The following TENM3 variants were observed in gnomAD, a reference collection of about 807,000 sequenced individuals.
TENM3 encodes teneurin transmembrane protein 3, also known as teneurin-3.
TENM3 carries 63 observed loss-of-function variants against 255.1 expected under a neutral mutation model. The observed-to-expected ratio is 0.25, with a 90% CI of 0.20 to 0.30. The LOEUF (loss-of-function observed/expected upper bound fraction) is 0.30, where lower values mean the gene tolerates loss of function less well. TENM3 is among the 10% of genes least tolerant of loss of function. The pLI, the probability that TENM3 is intolerant of heterozygous loss-of-function variation, is 1.00. For synonymous variants in TENM3, 1,306 were observed against 1,322.3 expected, an observed-to-expected ratio of 0.99 and a Z score of 0.27; for missense variants, 2,929 against 3,461.1, an observed-to-expected ratio of 0.85 and a Z score of 3.86.
At chr4:181,701,346 A>T in the TENM3 span, among the ~76,000 whole-genome samples, 13 of 152,232 alleles carry the variant, frequency 8.5e-5, no homozygotes, top group African/African-American at 3.1e-4. Flanking sequence ...ATAGGCAAAC[A>T]GATAAAAACA....
intron 1 of TENM3, among the ~76,000 whole-genome samples, chr4:182,267,783 C>T (rs1447634582): frequency 1.3e-5 from 2 of 151,242 alleles, no homozygotes; most frequent in African/African-American, 4.9e-5. Context: ...GTAATCATCC[C>T]AAGTATAATA....
intron 3 of TENM3, among the ~76,000 whole-genome samples, chr4:182,487,323 T>C (rs1006895137): frequency 6.6e-6 from 1 of 152,220 alleles, no homozygotes; most frequent in African/African-American, 2.4e-5. Context: ...TGTGTACTTG[T>C]CTCTTTATCG....
chr4:181,908,362 G>A, the TENM3 span, among the ~76,000 whole-genome samples: 1 of 152,190 alleles, frequency 6.6e-6, no homozygotes, highest in East Asian at 1.9e-4. Context: ...GGTGTTAAGG[G>A]ACATATTTCT....
intron 1 of TENM3, among the ~76,000 whole-genome samples, chr4:182,313,253 G>A (rs1299230577): frequency 6.6e-6 from 1 of 151,630 alleles, no homozygotes; most frequent in Non-Finnish European, 1.5e-5. Context: ...AAATCTTTCA[G>A]TATTCACAGT....
chr4:182,690,343 G>T (rs1347348905), intron 12 of TENM3, among the ~76,000 whole-genome samples: 3 of 152,178 alleles, frequency 2.0e-5, no homozygotes, highest in Non-Finnish European at 4.4e-5. Context: ...CTACATTAAG[G>T]CAGAAGAAAG....
chr4:181,583,578 A>G, the TENM3 span, among the ~76,000 whole-genome samples: 1 of 152,188 alleles, frequency 6.6e-6, no homozygotes, highest in African/African-American at 2.4e-5. Flanking sequence ...GCCACCTCCT[A>G]GTCACTGTGA....
intron 4 of TENM3, among the ~76,000 whole-genome samples, chr4:182,602,976 A>T (rs888313064): frequency 2.8e-4 from 43 of 152,246 alleles, no homozygotes; most frequent in African/African-American, 9.9e-4. Flanking sequence ...GTGATGTTAT[A>T]AAACACAAAA....
intron 22 of TENM3, among the ~76,000 whole-genome samples, chr4:182,767,228 G>T (rs1428378266): frequency 6.6e-6 from 1 of 152,058 alleles, no homozygotes; most frequent in East Asian, 1.9e-4. Context: ...AAAATCTTTC[G>T]CTGTTGCTGT....
the TENM3 span, among the ~76,000 whole-genome samples, chr4:181,624,991 GAA>G: frequency 2.0e-5 from 3 of 152,218 alleles, no homozygotes; most frequent in Non-Finnish European, 4.4e-5. Context: ...CAACAAGAGG[GAA>G]AGAGTGAAAG....
the TENM3 span, among the ~76,000 whole-genome samples, chr4:181,881,440 T>C: frequency 6.6e-6 from 1 of 152,048 alleles, no homozygotes; most frequent in Non-Finnish European, 1.5e-5. Flanking sequence ...TTTATTCATG[T>C]CTTCAAGTTC....
At chr4:182,117,049 A>C in the TENM3 span, among the ~76,000 whole-genome samples, 4 of 152,164 alleles carry the variant, frequency 2.6e-5, no homozygotes, top group African/African-American at 7.2e-5. Context: ...TATAATGTTG[A>C]ATATCTTTTC....
chr4:181,857,770 A>T, the TENM3 span, among the ~76,000 whole-genome samples: 1 of 151,960 alleles, frequency 6.6e-6, no homozygotes, highest in Non-Finnish European at 1.5e-5. Flanking sequence ...AAACAAAAAA[A>T]AAAGAGAGAG....
the TENM3 span, among the ~76,000 whole-genome samples, chr4:181,819,663 G>A: frequency 1.3e-5 from 2 of 152,244 alleles, no homozygotes; most frequent in African/African-American, 4.8e-5. Context: ...CGATCATCAG[G>A]CATTAGATTC....
At chr4:182,302,855 C>T (rs1761926323) in intron 1 of TENM3, among the ~76,000 whole-genome samples, 1 of 152,114 alleles carries the variant, frequency 6.6e-6, no homozygotes, top group Non-Finnish European at 1.5e-5. Flanking sequence ...GTATGAAGTC[C>T]TGAGATATCC....
At chr4:182,642,716 T>C (rs1340282669) in intron 5 of TENM3, among the ~76,000 whole-genome samples, 2 of 152,230 alleles carry the variant, frequency 1.3e-5, no homozygotes, top group Non-Finnish European at 2.9e-5. Context: ...TAGAATGTTA[T>C]CATGTAATAC....
the TENM3 span, among the ~76,000 whole-genome samples, chr4:181,951,058 C>CAACA: frequency 8.6e-5 from 13 of 151,926 alleles, no homozygotes; most frequent in Non-Finnish European, 1.8e-4. Flanking sequence ...ACAAAAACAT[C>CAACA]AACAAACAAA....
the TENM3 span, among the ~76,000 whole-genome samples, chr4:181,929,244 G>C: frequency 1.3e-5 from 2 of 151,934 alleles, no homozygotes; most frequent in African/African-American, 4.8e-5. Flanking sequence ...AAATTGAATA[G>C]AGTCAAGACC....
At chr4:182,499,425 G>T (rs1229097281) in intron 3 of TENM3, among the ~76,000 whole-genome samples, 1 of 152,154 alleles carries the variant, frequency 6.6e-6, no homozygotes, top group Non-Finnish European at 1.5e-5. Context: ...GAAGGAGACT[G>T]TCTGGTATTT....
intron 12 of TENM3, among the ~76,000 whole-genome samples, chr4:182,712,678 C>A (rs527416599): frequency 6.6e-6 from 1 of 152,124 alleles, no homozygotes; most frequent in African/African-American, 2.4e-5. Flanking sequence ...TTTTCAAGTT[C>A]CACAGTGGAG....
Sources: gnomAD v4.1 joint callset for allele counts (sites outside exome capture counted in the v4.1 genomes callset) on GRCh38, gnomAD v4.1.1 for gene constraint, MANE v1.5 for transcripts, NCBI Gene and HGNC (gene_info 2026-07-23, HGNC 2026-07-21) for gene names.